Variants in LGSN observed in about 807,000 individuals in gnomAD.
LGSN encodes the protein lengsin, lens protein with glutamine synthetase domain.
Under a neutral mutation model 19.5 loss-of-function variants are expected in LGSN, and 21 were observed. The observed-to-expected ratio is 1.07, with a 90% CI of 0.76 to 1.55. The LOEUF (loss-of-function observed/expected upper bound fraction) is 1.55. Among genes scored for constraint, LGSN ranks in the 40% most tolerant of loss-of-function variants. The probability of loss-of-function intolerance (pLI) is 0.00; values close to 1 mark genes in which losing one functional copy is unlikely to be tolerated. For synonymous variants in LGSN, 257 were observed against 215.6 expected, an observed-to-expected ratio of 1.19 and a Z score of -1.68; for missense variants, 673 against 608.5, an observed-to-expected ratio of 1.11 and a Z score of -1.12.
At chr6:63,497,918 C>CTTTTTTTTTTTTTT in the LGSN span, among the ~76,000 whole-genome samples, 60 of 121,860 alleles carry the variant, frequency 4.9e-4, 1 homozygote, top group African/African-American at 7.9e-4. Flanking sequence ...TGTCATGTTT[C>CTTTTTTTTTTTTTT]TTTTTTTTTT....
At chr6:63,325,809 C>A in the LGSN span, among the ~76,000 whole-genome samples, 4 of 152,058 alleles carry the variant, frequency 2.6e-5, no homozygotes, top group Non-Finnish European at 1.5e-5. Flanking sequence ...TTTTACAGCT[C>A]ATAAAAGCAG....
the LGSN span, among the ~76,000 whole-genome samples, chr6:63,348,468 AAT>A: frequency 6.6e-6 from 1 of 152,050 alleles, no homozygotes; most frequent in Non-Finnish European, 1.5e-5. Context: ...GAAAAAAAAA[AAT>A]ATATGGAAAT....
rs74864725 is a variant in LGSN at position 63,299,840 on chromosome 6, T to C, written c.31-4795A>G. Among the ~76,000 whole-genome samples, 738 of 152,296 alleles carry C rather than the reference T, an allele frequency of 4.8e-3. 19 individuals are homozygous for C. In the East Asian group the frequency reaches 0.054, roughly 11 times the overall value. On this transcript the variant is annotated intron_variant, in intron 1 of 3. Transcript: ENST00000370657. The stretch of plus-strand genomic sequence containing the variant: ...ACTAAATATAATTCAGACTTTTTTT[T>C]CTGGGTCTACTGGTCAGAAAGGTTT...
chr6:63,469,996 G>A, the LGSN span, among the ~76,000 whole-genome samples: 3 of 152,128 alleles, frequency 2.0e-5, no homozygotes, highest in South Asian at 2.1e-4. Flanking sequence ...GATTACAGGC[G>A]TGAGCCACTG....
At chr6:63,291,507 G>A (rs1410163849) in intron 2 of LGSN, among the ~76,000 whole-genome samples, 1 of 152,140 alleles carries the variant, frequency 6.6e-6, no homozygotes, top group African/African-American at 2.4e-5. Context: ...GTCCCCAGCT[G>A]AACTCCTCCC....
chr6:63,544,835 G>T, the LGSN span, among the ~76,000 whole-genome samples: 1 of 152,126 alleles, frequency 6.6e-6, no homozygotes, highest in African/African-American at 2.4e-5. Context: ...CATTACTGAA[G>T]ATATTAACTT....
chr6:63,331,468 C>T, the LGSN span, among the ~76,000 whole-genome samples: 1 of 152,152 alleles, frequency 6.6e-6, no homozygotes, highest in African/African-American at 2.4e-5. Flanking sequence ...GTCCCAATGG[C>T]TTAGGATACA....
At chr6:63,565,876 G>C in the LGSN span, among the ~76,000 whole-genome samples, 1 of 152,166 alleles carries the variant, frequency 6.6e-6, no homozygotes, top group African/African-American at 2.4e-5. Context: ...TTTTAATATA[G>C]AGCATGTTTT....
chr6:63,370,103 G>C, the LGSN span, among the ~76,000 whole-genome samples: 1 of 152,164 alleles, frequency 6.6e-6, no homozygotes, highest in East Asian at 1.9e-4. Flanking sequence ...ACAGACATTA[G>C]AATTTTGATA....
chr6:63,524,248 T>C, the LGSN span, among the ~76,000 whole-genome samples: 9 of 152,104 alleles, frequency 5.9e-5, no homozygotes, highest in Admixed American at 5.9e-4. Flanking sequence ...GCCTCCCAAA[T>C]TGCTGGGATT....
chr6:63,516,930 C>T, the LGSN span, among the ~76,000 whole-genome samples: 3 of 152,068 alleles, frequency 2.0e-5, no homozygotes, highest in Admixed American at 2.0e-4. Context: ...TCTCTGCCAC[C>T]GTATCATATC....
At chr6:63,462,121 CGA>C in the LGSN span, among the ~76,000 whole-genome samples, 1 of 152,108 alleles carries the variant, frequency 6.6e-6, no homozygotes, top group Non-Finnish European at 1.5e-5. Flanking sequence ...TCTGATTCTC[CGA>C]GGCAAAGCCT....
chr6:63,384,966 C>T, the LGSN span, among the ~76,000 whole-genome samples: 1 of 152,138 alleles, frequency 6.6e-6, no homozygotes, highest in South Asian at 2.1e-4. Context: ...TATGTGGGGA[C>T]ACAGAGAATG....
chr6:63,431,233 C>G, the LGSN span, among the ~76,000 whole-genome samples: 2 of 152,142 alleles, frequency 1.3e-5, no homozygotes, highest in African/African-American at 4.8e-5. Flanking sequence ...AGTAGTAGAA[C>G]TAGAAAGTAA....
chr6:63,412,718 GGAAAGAAAGAAAGAAAGAAAGAAA>G, the LGSN span, among the ~76,000 whole-genome samples: 3 of 54,750 alleles, frequency 5.5e-5, no homozygotes, highest in African/African-American at 4.2e-4. Flanking sequence ...AGGGAAGGAA[GGAAAGAAAGAAAGAAAGAAAGAAA>G]GAAAGAAAGA....
chr6:63,281,074 C>T lies in LGSN; in HGVS notation c.477G>A (p.Leu159=). The change falls in exon 4 of 4, where the codon TTG becomes TTA. Residue 159 remains leucine, a synonymous_variant. Transcript: ENST00000370657. The part of the protein sequence containing the change: ...LMPELSTFRV[L]PWADRTARVI... ...CTCTTGCAGTTCTGTCAGCCCATGGCAAAACTCTAAAGGTTGATAACTCTG... is the reference window on the plus strand; with the variant it reads ...CTCTTGCAGTTCTGTCAGCCCATGGTAAAACTCTAAAGGTTGATAACTCTG... The T allele has an allele frequency of 1.2e-6, 2 of 1,613,738 alleles. No individual in the cohort carries two copies. The highest frequency in any genetic ancestry group is 1.7e-6 in the Non-Finnish European group (2 of 1,179,938).
the LGSN span, among the ~76,000 whole-genome samples, chr6:63,439,370 AAAT>A: frequency 3.9e-5 from 6 of 152,074 alleles, no homozygotes; most frequent in Admixed American, 1.3e-4. Flanking sequence ...ATACAATTAA[AAAT>A]AATAATAATT....
At chr6:63,563,282 C>T in the LGSN span, among the ~76,000 whole-genome samples, 1 of 152,174 alleles carries the variant, frequency 6.6e-6, no homozygotes, top group African/African-American at 2.4e-5. Flanking sequence ...CTACAAGGTC[C>T]TACGTGATCC....
the LGSN span, among the ~76,000 whole-genome samples, chr6:63,332,419 T>C: frequency 1.3e-5 from 2 of 152,102 alleles, no homozygotes. Context: ...CGACATGCCT[T>C]TGAGAGTTCC....
Sources: gnomAD v4.1 joint callset for allele counts (sites outside exome capture counted in the v4.1 genomes callset) on GRCh38, gnomAD v4.1.1 for gene constraint, MANE v1.5 for transcripts, NCBI Gene and HGNC (gene_info 2026-07-23, HGNC 2026-07-21) for gene names.